PARL: variants seen among roughly 807,000 people sequenced by gnomAD.
PARL encodes presenilin-associated rhomboid-like protein, mitochondrial.
A neutral mutation model predicts 51.6 loss-of-function variants in PARL; 44 were observed. The observed-to-expected ratio is 0.85, with a 90% CI of 0.67 to 1.10. The LOEUF is 1.10. PARL is among the 50% of genes least tolerant of loss of function. The probability of loss-of-function intolerance (pLI) is 0.00; values close to 1 mark genes in which losing one functional copy is unlikely to be tolerated. For missense variants in PARL, 441 were observed against 469.5 expected (o/e 0.94, Z 0.56); for synonymous variants, 172 against 164.0 (o/e 1.05, Z -0.37).
downstream of PARL, among the ~76,000 whole-genome samples, chr3:183,828,157 G>T (rs1477052769): frequency 6.6e-6 from 1 of 152,224 alleles, no homozygotes. Flanking sequence ...AGCATTGAGG[G>T]GTTTTAGGGA....
chr3:183,864,340 A>ATTTT (rs1430926704), intron 3 of PARL, among the ~76,000 whole-genome samples: 3 of 152,188 alleles, frequency 2.0e-5, no homozygotes, highest in Admixed American at 6.5e-5. Flanking sequence ...AAGGAAGGGG[A>ATTTT]AAAGTAAAGA....
At position 183,850,157 on chromosome 3, in the gene PARL, G is replaced by C. The variant is rs530532004; in HGVS notation, c.512-5831C>G. Among the ~76,000 whole-genome samples, 3 of 152,288 alleles carry C rather than the reference G, an allele frequency of 2.0e-5. No individual in the cohort carries two copies. In the South Asian group the frequency reaches 6.2e-4, roughly 32 times the overall value. ...ACAGCTGTTGTAACACAAACTTGGT[G>C]GCTTAAAACAAAAATCTATTCTCTT... On this transcript the variant is annotated intron_variant, in intron 4 of 9. Coordinates refer to ENST00000317096, the MANE Select transcript of PARL (RefSeq NM_018622.7).
chr3:183,840,739 T>C (rs1729212249), intron 6 of PARL, 99 bp from the exon 7 acceptor site: 2 of 665,574 alleles, frequency 3.0e-6, no homozygotes, highest in Admixed American at 5.6e-5. Flanking sequence ...AGAGTTTCAC[T>C]CTTTCGCCCC....
intron 1 of PARL, among the ~76,000 whole-genome samples, chr3:183,881,605 A>G (rs916792239): frequency 6.6e-6 from 1 of 152,210 alleles, no homozygotes; most frequent in Non-Finnish European, 1.5e-5. Context: ...TTAAAACAAA[A>G]TAGAGCCCGA....
intron 1 of PARL, chr3:183,883,630 C>T (rs1734803236): frequency 1.0e-6 from 1 of 985,328 alleles, no homozygotes; most frequent in Admixed American, 6.1e-5. Flanking sequence ...TTACCACCTC[C>T]ATCTGTCCTC....
chr3:183,853,853 G>T (rs1730829953), intron 4 of PARL, among the ~76,000 whole-genome samples: 1 of 152,144 alleles, frequency 6.6e-6, no homozygotes, highest in Non-Finnish European at 1.5e-5. Flanking sequence ...ATGTAAAATG[G>T]TACAACCGCC....
chr3:183,836,217 CAAAAAAAAAAAAA>C (rs56354792), intron 7 of PARL, among the ~76,000 whole-genome samples: 1 of 84,288 alleles, frequency 1.2e-5, no homozygotes, highest in Non-Finnish European at 2.2e-5. Flanking sequence ...AACTCCATCT[CAAAAAAAAAAAAA>C]AAAAAAAAAA....
intron 1 of PARL, among the ~76,000 whole-genome samples, chr3:183,880,338 G>A (rs996046627): frequency 6.6e-6 from 1 of 152,062 alleles, no homozygotes; most frequent in African/African-American, 2.4e-5. Context: ...GCAATCAAAT[G>A]TGCTCAAAGT....
intron 1 of PARL, among the ~76,000 whole-genome samples, chr3:183,873,875 A>G (rs1367969573): frequency 2.0e-5 from 3 of 152,164 alleles, no homozygotes; most frequent in African/African-American, 7.2e-5. Flanking sequence ...CAAGCTGAGG[A>G]CATTAAGAGT....
At chr3:183,869,527 GA>G (rs1235496327) in intron 1 of PARL, among the ~76,000 whole-genome samples, 1 of 151,812 alleles carries the variant, frequency 6.6e-6, no homozygotes, top group Non-Finnish European at 1.5e-5. Context: ...TATTATAAGG[GA>G]TAATAATGTA....
At chr3:183,873,010 T>C (rs1733389552) in intron 1 of PARL, among the ~76,000 whole-genome samples, 1 of 152,192 alleles carries the variant, frequency 6.6e-6, no homozygotes, top group Non-Finnish European at 1.5e-5. Flanking sequence ...TCAGTTTATT[T>C]ACTGCCAAAT....
chr3:183,873,400 G>A (rs761745224), intron 1 of PARL, among the ~76,000 whole-genome samples: 36 of 152,180 alleles, frequency 2.4e-4, no homozygotes, highest in Non-Finnish European at 4.4e-4. Flanking sequence ...GATTACAGGC[G>A]TGGTGGCACA....
intron 3 of PARL, among the ~76,000 whole-genome samples, chr3:183,864,841 TAAGA>T (rs986311978): frequency 7.4e-5 from 11 of 149,206 alleles, no homozygotes; most frequent in African/African-American, 2.4e-4. Context: ...AGAAATCAGT[TAAGA>T]AAGAGGGCCA....
chr3:183,828,481 C>A (rs1161740084), downstream of PARL, among the ~76,000 whole-genome samples: 2 of 152,156 alleles, frequency 1.3e-5, no homozygotes, highest in African/African-American at 4.8e-5. Context: ...AGAAGTGATA[C>A]GAGTTTAGAA....
At chr3:183,853,290 A>C (rs1577330527) in intron 4 of PARL, among the ~76,000 whole-genome samples, 1 of 82,772 alleles carries the variant, frequency 1.2e-5, no homozygotes, top group East Asian at 8.7e-4. Flanking sequence ...AGGCGGGTGC[A>C]AGTGGCTCAT....
chr3:183,863,425 G>C (rs1323289527), intron 3 of PARL, among the ~76,000 whole-genome samples: 1 of 151,972 alleles, frequency 6.6e-6, no homozygotes, highest in Non-Finnish European at 1.5e-5. Flanking sequence ...ACTGAAGCTG[G>C]ACGATAATGA....
intron 4 of PARL, among the ~76,000 whole-genome samples, chr3:183,858,381 G>C (rs1451238607): frequency 6.6e-6 from 1 of 152,296 alleles, no homozygotes; most frequent in South Asian, 2.1e-4. Context: ...AAAAAGAATA[G>C]ACTTTAGAAG....
chr3:183,882,269 T>TATATATTTA (rs1560442479), intron 1 of PARL, among the ~76,000 whole-genome samples: 2 of 30,474 alleles, frequency 6.6e-5, no homozygotes, highest in Non-Finnish European at 1.3e-4. Context: ...ATATATATAT[T>TATATATTTA]TATATATATA....
chr3:183,870,018 C>T (rs537498366), intron 1 of PARL, among the ~76,000 whole-genome samples: 1 of 151,646 alleles, frequency 6.6e-6, no homozygotes, highest in East Asian at 2.0e-4. Flanking sequence ...TGGCTCACGC[C>T]TGTAATCCCA....
Sources: gnomAD v4.1 joint callset for allele counts (sites outside exome capture counted in the v4.1 genomes callset) on GRCh38, gnomAD v4.1.1 for gene constraint, MANE v1.5 for transcripts, NCBI Gene and HGNC (gene_info 2026-07-23, HGNC 2026-07-21) for gene names.